The following NEK11 variants were observed in gnomAD, a reference collection of about 807,000 sequenced individuals.
The protein encoded by NEK11 is NIMA related kinase 11.
Under a neutral mutation model 80.7 loss-of-function variants are expected in NEK11, and 72 were observed. The observed-to-expected ratio is 0.89, with a 90% confidence interval of 0.74 to 1.08. The LOEUF (loss-of-function observed/expected upper bound fraction) is 1.08, where lower values mean the gene tolerates loss of function less well. Ranked by LOEUF, NEK11 falls within the 50% of genes least tolerant of loss-of-function variation. The pLI is 0.00. For synonymous variants in NEK11, 251 were observed against 260.7 expected, an observed-to-expected ratio of 0.96 and a Z score of 0.36; for missense variants, 764 against 763.6, an observed-to-expected ratio of 1.00 and a Z score of -0.01.
intron 4 of NEK11, among the ~76,000 whole-genome samples, chr3:131,084,839 C>G (rs1163983787): frequency 6.6e-6 from 1 of 152,100 alleles, no homozygotes; most frequent in Non-Finnish European, 1.5e-5. Context: ...CGGAAATGGC[C>G]CAGGCATCAG....
intron 14 of NEK11, among the ~76,000 whole-genome samples, chr3:131,177,219 C>T (rs2093074632): frequency 6.6e-6 from 1 of 152,172 alleles, no homozygotes. Flanking sequence ...GAAAGGGAAT[C>T]TTTCAGATCT....
chr3:131,143,151 G>A (rs954870437), intron 7 of NEK11, among the ~76,000 whole-genome samples: 1 of 152,168 alleles, frequency 6.6e-6, no homozygotes, highest in African/African-American at 2.4e-5. Context: ...ACATTTCTAT[G>A]AGTTCAATAA....
At chr3:131,319,298 A>C (rs2096874828) in intron 17 of NEK11, among the ~76,000 whole-genome samples, 1 of 152,164 alleles carries the variant, frequency 6.6e-6, no homozygotes, top group Non-Finnish European at 1.5e-5. Context: ...ATTAATGCCT[A>C]CTGTGTGCTA....
rs141227402 is a variant in NEK11 at position 131,124,258 on chromosome 3, A to C, written c.456-8487A>C. Among the ~76,000 whole-genome samples, 6 of 152,300 alleles carry C rather than the reference A, an allele frequency of 3.9e-5. 1 individual carries two copies. In the East Asian group the frequency reaches 9.7e-4, roughly 25 times the overall value. Reference sequence around the variant, plus strand: ...AAAAATTTCAAAAAACATGGAAGAGACAAAAGATATTAGTGGATATTTTTC... The same window carrying C: ...AAAAATTTCAAAAAACATGGAAGAGCCAAAAGATATTAGTGGATATTTTTC... On this transcript the variant is annotated intron_variant, in intron 5 of 17. Transcript: ENST00000383366.
At chr3:131,115,958 CTTTCTTTCTTTCTTTCT>C (rs1560476804) in intron 5 of NEK11, among the ~76,000 whole-genome samples, 2 of 139,448 alleles carry the variant, frequency 1.4e-5, no homozygotes, top group African/African-American at 5.7e-5. Flanking sequence ...TTCTTTCTTT[CTTTCTTTCTTTCTTTCT>C]TTCTTTCTTT....
intron 17 of NEK11, among the ~76,000 whole-genome samples, chr3:131,318,650 A>G (rs1022616578): frequency 6.6e-6 from 1 of 151,948 alleles, no homozygotes; most frequent in African/African-American, 2.4e-5. Flanking sequence ...TCTCTAGAGT[A>G]TATTGTTAAC....
At chr3:131,076,379 G>A (rs914503960) in intron 3 of NEK11, among the ~76,000 whole-genome samples, 1 of 152,066 alleles carries the variant, frequency 6.6e-6, no homozygotes, top group South Asian at 2.1e-4. Flanking sequence ...GTTGGATTGT[G>A]GGTAATATTT....
chr3:131,139,870 C>T (rs2086485484), intron 7 of NEK11, among the ~76,000 whole-genome samples: 1 of 152,110 alleles, frequency 6.6e-6, no homozygotes, highest in African/African-American at 2.4e-5. Context: ...CAGGATTGGG[C>T]ACTTTGTAGC....
chr3:131,310,233 C>T (rs1272810892), intron 17 of NEK11, among the ~76,000 whole-genome samples: 1 of 151,950 alleles, frequency 6.6e-6, no homozygotes, highest in Non-Finnish European at 1.5e-5. Flanking sequence ...CTTGAGTCTC[C>T]AAAAGTTTGC....
intron 5 of NEK11, among the ~76,000 whole-genome samples, chr3:131,121,694 C>T (rs1449802259): frequency 2.0e-5 from 3 of 152,172 alleles, no homozygotes; most frequent in Non-Finnish European, 4.4e-5. Context: ...GGTGGACGCC[C>T]CTCCCCCAGC....
intron 3 of NEK11, among the ~76,000 whole-genome samples, chr3:131,043,864 G>C (rs1366975713): frequency 6.6e-6 from 1 of 152,186 alleles, no homozygotes; most frequent in African/African-American, 2.4e-5. Context: ...CAGCCAGAGA[G>C]AAAGGTTGGT....
chr3:131,191,591 C>T (rs60761933), intron 14 of NEK11, among the ~76,000 whole-genome samples: 1 of 152,124 alleles, frequency 6.6e-6, no homozygotes, highest in Admixed American at 6.6e-5. Flanking sequence ...AATCTTAACT[C>T]TGCTTTGCCA....
chr3:131,335,296 A>G (rs1386761722), intron 17 of NEK11, among the ~76,000 whole-genome samples: 2 of 152,218 alleles, frequency 1.3e-5, no homozygotes, highest in Admixed American at 6.5e-5. Context: ...CATCCCTGGG[A>G]TGCAAGGCTG....
intron 3 of NEK11, among the ~76,000 whole-genome samples, chr3:131,045,559 A>G (rs2067252516): frequency 1.3e-5 from 2 of 152,094 alleles, no homozygotes; most frequent in South Asian, 4.1e-4. Context: ...GACCTGTTTT[A>G]TGGCTTATCA....
chr3:131,086,978 C>G (rs1373002123), intron 4 of NEK11, among the ~76,000 whole-genome samples: 2 of 152,032 alleles, frequency 1.3e-5, no homozygotes, highest in East Asian at 3.8e-4. Context: ...ACCCGTTTTT[C>G]TTAAGAGAGT....
At chr3:131,085,254 A>G (rs548965948) in intron 4 of NEK11, among the ~76,000 whole-genome samples, 1 of 152,354 alleles carries the variant, frequency 6.6e-6, no homozygotes, top group Non-Finnish European at 1.5e-5. Flanking sequence ...GTGTATGAAT[A>G]CGTTGGCAAT....
intron 9 of NEK11, 44 bp downstream of exon 9, chr3:131,152,753 T>C (rs1426825899): frequency 1.6e-6 from 2 of 1,269,852 alleles, no homozygotes; most frequent in Non-Finnish European, 2.3e-6. Flanking sequence ...TATGAGCATT[T>C]GTATACACAT....
intron 14 of NEK11, among the ~76,000 whole-genome samples, chr3:131,171,978 G>A (rs868284445): frequency 1.3e-5 from 2 of 152,256 alleles, no homozygotes; most frequent in Middle Eastern, 6.8e-3. Context: ...AAAGAAAATA[G>A]GAAAGAGCTA....
chr3:131,301,480 T>A (rs1214670824), intron 17 of NEK11, among the ~76,000 whole-genome samples: 1 of 152,138 alleles, frequency 6.6e-6, no homozygotes, highest in Non-Finnish European at 1.5e-5. Context: ...TACAGCTTTT[T>A]TTTTTTGTTC....
Sources: allele counts gnomAD v4.1 joint callset (sites outside exome capture counted in the v4.1 genomes callset), GRCh38; gene constraint gnomAD v4.1.1; transcripts MANE v1.5; gene names NCBI Gene and HGNC (gene_info 2026-07-23, HGNC 2026-07-21).